RBFOX1: variants seen among roughly 807,000 people sequenced by gnomAD.
RBFOX1 encodes RNA binding fox-1 homolog 1, also known as RNA binding protein fox-1 homolog 1.
A neutral mutation model predicts 57.7 loss-of-function variants in RBFOX1; 8 were observed. The ratio of observed to expected loss-of-function variants is 0.14; its 90% CI spans 0.08 to 0.25. The LOEUF (loss-of-function observed/expected upper bound fraction) is 0.25. Ranked by LOEUF, RBFOX1 falls within the 10% of genes least tolerant of loss-of-function variation. RBFOX1 has a pLI of 1.00. For missense variants in RBFOX1, 611 were observed against 548.5 expected, an observed-to-expected ratio of 1.11 and a Z score of -1.14; for synonymous variants, 326 against 222.4, an observed-to-expected ratio of 1.47 and a Z score of -4.15.
At chr16:6,679,547 G>A (rs1426533941) in intron 3 of RBFOX1, among the ~76,000 whole-genome samples, 1 of 152,116 alleles carries the variant, frequency 6.6e-6, no homozygotes, top group African/African-American at 2.4e-5. Flanking sequence ...AACATGTACA[G>A]TCATACCCCT....
chr16:5,495,046 C>G (rs2042958140), intron 2 of RBFOX1, among the ~76,000 whole-genome samples: 1 of 152,170 alleles, frequency 6.6e-6, no homozygotes, highest in Non-Finnish European at 1.5e-5. Context: ...ATACCTCAGA[C>G]TGGGTAATTT....
intron 1 of RBFOX1, among the ~76,000 whole-genome samples, chr16:5,312,961 C>G (rs2064132773): frequency 6.6e-6 from 1 of 152,168 alleles, no homozygotes; most frequent in Non-Finnish European, 1.5e-5. Context: ...GCAGTAGGCG[C>G]TTATTTGTTT....
intron 3 of RBFOX1, among the ~76,000 whole-genome samples, chr16:6,793,238 A>G (rs539269090): frequency 2.0e-5 from 3 of 152,316 alleles, no homozygotes; most frequent in African/African-American, 7.2e-5. Context: ...TTTTAAGAAC[A>G]TTCCAGTAGA....
intron 4 of RBFOX1, among the ~76,000 whole-genome samples, chr16:5,925,756 T>A (rs559541422): frequency 6.6e-6 from 1 of 152,192 alleles, no homozygotes; most frequent in Non-Finnish European, 1.5e-5. Context: ...AGGTTGTTTT[T>A]CTCAGTCTCT....
chr16:7,045,815 G>A (rs2047730835), intron 3 of RBFOX1, among the ~76,000 whole-genome samples: 1 of 151,860 alleles, frequency 6.6e-6, no homozygotes, highest in African/African-American at 2.4e-5. Flanking sequence ...TCCACCACGT[G>A]TGGCTAATTT....
chr16:7,529,970 C>G (rs1005364926), intron 5 of RBFOX1, among the ~76,000 whole-genome samples: 1 of 145,464 alleles, frequency 6.9e-6, no homozygotes, highest in African/African-American at 2.6e-5. Flanking sequence ...GATCATGCCA[C>G]TGCACTCTAG....
At chr16:7,173,550 C>A (rs1185952860) in intron 4 of RBFOX1, among the ~76,000 whole-genome samples, 1 of 151,976 alleles carries the variant, frequency 6.6e-6, no homozygotes, top group Non-Finnish European at 1.5e-5. Flanking sequence ...CATTGTATTT[C>A]AGCATTTGTC....
At chr16:6,918,281 C>CAA (rs71147626) in intron 3 of RBFOX1, among the ~76,000 whole-genome samples, 3 of 126,160 alleles carry the variant, frequency 2.4e-5, no homozygotes, top group Admixed American at 8.0e-5. Flanking sequence ...GACTCCATCT[C>CAA]AAAAAAAAAA....
intron 4 of RBFOX1, among the ~76,000 whole-genome samples, chr16:7,354,919 G>A (rs762962521): frequency 6.6e-6 from 1 of 152,202 alleles, no homozygotes; most frequent in Non-Finnish European, 1.5e-5. Flanking sequence ...TTGCTATCTT[G>A]TGGTCTCTTT....
At chr16:6,457,633 AC>A (rs1475579891) in intron 2 of RBFOX1, among the ~76,000 whole-genome samples, 1 of 151,934 alleles carries the variant, frequency 6.6e-6, no homozygotes, top group Non-Finnish European at 1.5e-5. Flanking sequence ...CCAATTAAGG[AC>A]CCGTTTTATG....
chr16:6,846,717 G>C (rs781638026), intron 3 of RBFOX1, among the ~76,000 whole-genome samples: 1 of 152,144 alleles, frequency 6.6e-6, no homozygotes, highest in South Asian at 2.1e-4. Context: ...GGAGAATAAG[G>C]CTGAGCTCTC....
At chr16:5,288,044 G>A (rs547436265) in intron 1 of RBFOX1, among the ~76,000 whole-genome samples, 13 of 152,200 alleles carry the variant, frequency 8.5e-5, no homozygotes, top group Non-Finnish European at 1.6e-4. Flanking sequence ...GGGACTCGAT[G>A]TCCTGCAGGT....
chr16:6,831,718 C>T (rs1442564050), intron 3 of RBFOX1, among the ~76,000 whole-genome samples: 3 of 152,152 alleles, frequency 2.0e-5, no homozygotes, highest in Admixed American at 2.0e-4. Flanking sequence ...CTTCCTCCAT[C>T]TCTTGGGTTT....
Position 6,211,188 on chromosome 16 carries a change from C to CTTATTCT in RBFOX1, c.-126-105805_-126-105804insATTCTTT, listed in dbSNP as rs777911340. The stretch of plus-strand genomic sequence containing the variant: ...CCATGAGACAGAGTGTTTTCTTCTT[C>CTTATTCT]TTTTTTTTTTTTTTTGGTTAGTGCC... On this transcript the variant is annotated intron_variant, in intron 1 of 15. Transcript: ENST00000550418. 7.1e-4 allele frequency among the ~76,000 whole-genome samples: 65 copies of CTTATTCT among 91,266 alleles called. 2 individuals are homozygous for CTTATTCT. Among genetic ancestry groups the CTTATTCT allele is most frequent in the South Asian group, 1.0e-3 (3 of 2,920 alleles). 59.9% of individuals were successfully genotyped at this position (91,266 alleles called of 152,430 possible). A position where few individuals can be genotyped will look rare whatever the true frequency, so the allele number is the denominator to read the frequency against.
rs545854684 is a variant in RBFOX1, at chr16:6,929,510, C to T, written c.-15-122547C>T. ...ACACAGTGCTTTGCTTTATTGCAAG[C>T]CACAATATTTTCAGAAGGCTTAAAA... On this transcript the variant is annotated intron_variant, in intron 3 of 15. Coordinates refer to ENST00000550418, the MANE Select transcript of RBFOX1 (RefSeq NM_018723.4). Among the ~76,000 whole-genome samples, 11 of 152,104 alleles carry T rather than the reference C, an allele frequency of 7.2e-5. No homozygotes were observed. In the East Asian group the frequency reaches 2.1e-3, roughly 30 times the overall value.
At chr16:6,839,948 G>T (rs116972924) in intron 3 of RBFOX1, among the ~76,000 whole-genome samples, 2 of 152,036 alleles carry the variant, frequency 1.3e-5, no homozygotes, top group South Asian at 4.1e-4. Flanking sequence ...CGTATGATGA[G>T]CCTGTTTTCC....
chr16:7,596,222 C>A (rs1300687093), intron 8 of RBFOX1, among the ~76,000 whole-genome samples: 1 of 141,466 alleles, frequency 7.1e-6, no homozygotes, highest in Admixed American at 7.3e-5. Context: ...CTTTTGATAA[C>A]AAAGTGAATA....
chr16:5,305,997 A>G (rs2063923511), intron 1 of RBFOX1, among the ~76,000 whole-genome samples: 1 of 152,186 alleles, frequency 6.6e-6, no homozygotes, highest in Non-Finnish European at 1.5e-5. Flanking sequence ...TTTGAGACCA[A>G]CATGGGCAAT....
intron 2 of RBFOX1, among the ~76,000 whole-genome samples, chr16:6,398,159 A>T (rs1309136435): frequency 2.0e-5 from 3 of 152,140 alleles, no homozygotes; most frequent in African/African-American, 7.2e-5. Context: ...ATCAGATCTC[A>T]TGAGAACTCA....
Sources: gnomAD v4.1 joint callset for allele counts (sites outside exome capture counted in the v4.1 genomes callset) on GRCh38, gnomAD v4.1.1 for gene constraint, MANE v1.5 for transcripts, NCBI Gene and HGNC (gene_info 2026-07-23, HGNC 2026-07-21) for gene names.